SLCO1A2: variants seen among roughly 807,000 people sequenced by gnomAD.
SLCO1A2 encodes the protein OATP-1.
In SLCO1A2, 67 loss-of-function variants were observed where a neutral mutation model predicts 69.0. The ratio of observed to expected loss-of-function variants is 0.97; its 90% CI spans 0.80 to 1.19. The LOEUF (loss-of-function observed/expected upper bound fraction) is 1.19. SLCO1A2 is among the 50% of genes most tolerant of loss of function. The probability of loss-of-function intolerance (pLI) is 0.00; values close to 1 mark genes in which losing one functional copy is unlikely to be tolerated. For synonymous variants in SLCO1A2, 260 were observed against 265.9 expected (o/e 0.98, Z 0.22); for missense variants, 787 against 793.7 (o/e 0.99, Z 0.10).
chr12:21,352,971 G>C (rs1938078394), intron 2 of SLCO1A2, among the ~76,000 whole-genome samples: 1 of 152,146 alleles, frequency 6.6e-6, no homozygotes, highest in Non-Finnish European at 1.5e-5. Context: ...TTATAAAATA[G>C]TTAGATTTCA....
intron 12 of SLCO1A2, among the ~76,000 whole-genome samples, chr12:21,290,016 TGTGTGTATGTATGC>T (rs1344556863): frequency 5.3e-5 from 8 of 152,004 alleles, no homozygotes; most frequent in Non-Finnish European, 1.2e-4. Context: ...TCAGTGTGTG[TGTGTGTATGTATGC>T]GTGTGTGTAT....
chr12:21,408,982 A>G (rs1355572909), intron 1 of SLCO1A2, among the ~76,000 whole-genome samples: 1 of 152,230 alleles, frequency 6.6e-6, no homozygotes, highest in African/African-American at 2.4e-5. Context: ...CGGCAGAGGT[A>G]GACAGAGTTT....
intron 1 of SLCO1A2, among the ~76,000 whole-genome samples, chr12:21,375,889 G>C (rs1940158726): frequency 6.6e-6 from 1 of 151,008 alleles, no homozygotes; most frequent in African/African-American, 2.4e-5. Flanking sequence ...TATGTTACCT[G>C]TCCAGGTAGT....
At chr12:21,418,695 C>T (rs530851348), upstream of SLCO1A2, among the ~76,000 whole-genome samples, 20 of 152,162 alleles carry the variant, frequency 1.3e-4, no homozygotes, top group African/African-American at 4.1e-4. Context: ...CCTCCAACAA[C>T]GTGTGGGAAT....
chr12:21,273,969 A>C (rs1298052949), intron 14 of SLCO1A2: 1 of 152,242 alleles, frequency 6.6e-6, no homozygotes, highest in African/African-American at 2.4e-5. Flanking sequence ...TTTATTCAAA[A>C]TTAGATTTGT....
In SLCO1A2 at chr12:21,295,589, C is replaced by A. The variant is rs963978884; in HGVS notation, c.1271+8G>T. 1 of 1,530,164 alleles carries A rather than the reference C, an allele frequency of 6.5e-7. No homozygotes were observed. The highest frequency in any genetic ancestry group is 9.0e-7 in the Non-Finnish European group (1 of 1,108,954). 94.8% of individuals were successfully genotyped at this position (1,530,164 alleles called of 1,614,324 possible). On this transcript the variant is annotated splice_region_variant and intron_variant, in intron 10 of 14. Coordinates refer to ENST00000683939, the MANE Select transcript of SLCO1A2 (RefSeq NM_001386879.1). ...AAAGATTCTCACATTCATTAGAAAA[C>A]AACATACCCTTCATAAGAGGTATTT... is the stretch of plus-strand genomic sequence containing the variant.
intron 2 of SLCO1A2, among the ~76,000 whole-genome samples, chr12:21,329,703 C>A (rs1205550234): frequency 6.6e-6 from 1 of 151,346 alleles, no homozygotes; most frequent in Non-Finnish European, 1.5e-5. Flanking sequence ...CTCTCTTTAT[C>A]CATTTAGTTT....
chr12:21,347,223 T>A (rs1277731822), intron 2 of SLCO1A2, among the ~76,000 whole-genome samples: 3 of 152,230 alleles, frequency 2.0e-5, no homozygotes, highest in African/African-American at 7.2e-5. Context: ...GTTGTAACTA[T>A]TTATAGGCTA....
chr12:21,414,279 C>CTTT (rs569224454), intron 1 of SLCO1A2, among the ~76,000 whole-genome samples: 3 of 146,326 alleles, frequency 2.1e-5, no homozygotes, highest in African/African-American at 7.5e-5. Context: ...CGTCCAGCCT[C>CTTT]TTTTTTTTTT....
At chr12:21,407,111 C>T (rs1941834459) in intron 1 of SLCO1A2, among the ~76,000 whole-genome samples, 1 of 152,008 alleles carries the variant, frequency 6.6e-6, no homozygotes, top group Non-Finnish European at 1.5e-5. Context: ...GGCAAAAGTG[C>T]TCTGAAGAAA....
chr12:21,272,861 T>TAATC, intron 14 of SLCO1A2, among the ~76,000 whole-genome samples: 1 of 152,292 alleles, frequency 6.6e-6, no homozygotes, highest in East Asian at 1.9e-4. Flanking sequence ...TAAATCTAAT[T>TAATC]AATCATTTTC....
At position 21,294,008 on chromosome 12, in the gene SLCO1A2, G is replaced by A; in HGVS notation, c.1374C>T (p.Gly458=). 1 of 1,613,128 alleles carries A rather than the reference G, an allele frequency of 6.2e-7. No individual in the cohort carries two copies. The highest frequency in any genetic ancestry group is 8.5e-7 in the Non-Finnish European group (1 of 1,179,572). ...KIWDPVCGNN[G]LSYLSACLAG... is the part of the protein sequence containing the mutation. ...CAAGACAAGCTGACAGATATGACAA[G>A]CCATTGTTTCCACACACAGGATCCC... The change falls in exon 11 of 15, where the codon GGC becomes GGT. Residue 458 remains glycine, a synonymous_variant. Transcript: ENST00000683939.
chr12:21,394,153 G>A (rs534011571), intron 1 of SLCO1A2, among the ~76,000 whole-genome samples: 2 of 152,188 alleles, frequency 1.3e-5, no homozygotes, highest in African/African-American at 4.8e-5. Flanking sequence ...AAAGAAACAC[G>A]GGCCCATGAA....
At chr12:21,400,954 C>T (rs1235464642) in intron 1 of SLCO1A2, among the ~76,000 whole-genome samples, 2 of 149,808 alleles carry the variant, frequency 1.3e-5, no homozygotes, top group East Asian at 2.0e-4. Flanking sequence ...GTGCAGCTCA[C>T]CAGCATGGCA....
At chr12:21,363,060 A>G (rs1939059176) in intron 2 of SLCO1A2, among the ~76,000 whole-genome samples, 1 of 152,260 alleles carries the variant, frequency 6.6e-6, no homozygotes, top group Non-Finnish European at 1.5e-5. Flanking sequence ...AGACATCTAC[A>G]GAACTCTCCA....
At chr12:21,386,467 G>C (rs986356700) in intron 1 of SLCO1A2, among the ~76,000 whole-genome samples, 1 of 152,002 alleles carries the variant, frequency 6.6e-6, no homozygotes, top group Non-Finnish European at 1.5e-5. Context: ...ATGGAGGTGG[G>C]TTATTCCCAC....
At chr12:21,416,130 A>G (rs1323704105) in intron 1 of SLCO1A2, among the ~76,000 whole-genome samples, 1 of 152,016 alleles carries the variant, frequency 6.6e-6, no homozygotes, top group Non-Finnish European at 1.5e-5. Context: ...TATAACTTCT[A>G]ACATTCTGAT....
intron 3 of SLCO1A2, 103 bp from the exon 4 acceptor site, chr12:21,314,784 A>C: frequency 1.2e-6 from 1 of 829,430 alleles, no homozygotes; most frequent in Non-Finnish European, 1.9e-6. Flanking sequence ...CATAACAACT[A>C]TCTTAAATAC....
intron 2 of SLCO1A2, among the ~76,000 whole-genome samples, chr12:21,319,742 C>G (rs1449375434): frequency 6.6e-6 from 1 of 152,136 alleles, no homozygotes; most frequent in Non-Finnish European, 1.5e-5. Context: ...ATCAATCATA[C>G]TTCCTATTAT....
Sources: gnomAD v4.1 joint callset for allele counts (sites outside exome capture counted in the v4.1 genomes callset) on GRCh38, gnomAD v4.1.1 for gene constraint, MANE v1.5 for transcripts, NCBI Gene and HGNC (gene_info 2026-07-23, HGNC 2026-07-21) for gene names.